TCF12: variants seen among roughly 807,000 people sequenced by gnomAD.
TCF12 encodes the protein DNA-binding protein HTF4.
In TCF12, 45 loss-of-function variants were observed where a neutral mutation model predicts 86.0. That is an observed-to-expected ratio of 0.52 (90% CI 0.41 to 0.67). The LOEUF is 0.67. TCF12 is among the 30% of genes least tolerant of loss of function. TCF12 has a pLI of 0.00. For synonymous variants in TCF12, 330 were observed against 299.6 expected (o/e 1.10, Z -1.05); for missense variants, 881 against 859.9 (o/e 1.02, Z -0.31).
In TCF12 at chr15:57,251,254, T is replaced by C. The variant is rs151324062; in HGVS notation, c.1115-96T>C. The C allele has an allele frequency of 1.6e-4, 164 of 1,003,810 alleles. No individual in the cohort carries two copies. The African/African-American group carries it at 2.4e-3, about 15-fold the overall frequency. The allele number at this position is 1,003,810 out of a possible 1,614,324, so 62.2% of individuals were successfully genotyped here. On this transcript the variant is annotated intron_variant, in intron 13 of 20. Coordinates refer to ENST00000333725, the MANE Select transcript of TCF12 (RefSeq NM_207037.2). ...GGCCAAACAAAAATATTCATGTAAA[T>C]TTATTTAGTTATTGAGTATCTTTAC... is the stretch of plus-strand genomic sequence containing the variant.
intron 5 of TCF12, among the ~76,000 whole-genome samples, chr15:57,099,000 C>G (rs2049535620): frequency 6.6e-6 from 1 of 152,244 alleles, no homozygotes; most frequent in South Asian, 2.1e-4. Context: ...CTCCCTCACT[C>G]CAGTATTTCC....
Position 57,228,862 on chromosome 15 carries a change from A to G in TCF12, c.580-2290A>G, listed in dbSNP as rs2151908382. Among the ~76,000 whole-genome samples the G allele has an allele frequency of 1.3e-5, 2 of 152,166 alleles. 1 individual carries two copies. The highest frequency in any genetic ancestry group is 1.3e-4 in the Admixed American group (2 of 15,284). On this transcript the variant is annotated intron_variant, in intron 8 of 20. Coordinates refer to ENST00000333725, the MANE Select transcript of TCF12 (RefSeq NM_207037.2). ...CAAATTATGTCCATTTTTGTGTGAAATGACACATCAAAACTGGAGTGTTTT... is the reference window on the plus strand; with the variant it reads ...CAAATTATGTCCATTTTTGTGTGAAGTGACACATCAAAACTGGAGTGTTTT...
At chr15:57,182,516 T>C (rs1393852226) in intron 6 of TCF12, among the ~76,000 whole-genome samples, 1 of 152,200 alleles carries the variant, frequency 6.6e-6, no homozygotes, top group Non-Finnish European at 1.5e-5. Context: ...TATGGTCTTG[T>C]ATTCTTAAAA....
At chr15:57,264,111 T>G (rs1191007851) in intron 18 of TCF12, among the ~76,000 whole-genome samples, 2 of 151,768 alleles carry the variant, frequency 1.3e-5, no homozygotes, top group East Asian at 3.9e-4. Flanking sequence ...ATTTTTAACT[T>G]TCTGACTCTT....
intron 3 of TCF12, among the ~76,000 whole-genome samples, chr15:56,969,923 A>G (rs2062204314): frequency 6.6e-6 from 1 of 152,230 alleles, no homozygotes; most frequent in Non-Finnish European, 1.5e-5. Context: ...TTGAGAAGGC[A>G]TATCCAGACA....
At chr15:56,982,585 T>G (rs1445682495) in intron 3 of TCF12, among the ~76,000 whole-genome samples, 1 of 152,182 alleles carries the variant, frequency 6.6e-6, no homozygotes, top group African/African-American at 2.4e-5. Flanking sequence ...TTGAACACAT[T>G]GCTGCTTTAA....
intron 5 of TCF12, among the ~76,000 whole-genome samples, chr15:57,144,929 A>G (rs988566535): frequency 1.3e-5 from 2 of 152,106 alleles, no homozygotes; most frequent in Admixed American, 6.5e-5. Flanking sequence ...CACATGTTAT[A>G]TGGGTTACTT....
intron 6 of TCF12, among the ~76,000 whole-genome samples, chr15:57,188,742 A>C (rs1257083552): frequency 6.6e-6 from 1 of 152,246 alleles, no homozygotes; most frequent in Non-Finnish European, 1.5e-5. Context: ...ATCCACATGC[A>C]AAAGAATGAA....
chr15:57,216,275 C>G (rs1182273299), intron 8 of TCF12, among the ~76,000 whole-genome samples: 1 of 152,080 alleles, frequency 6.6e-6, no homozygotes, highest in Non-Finnish European at 1.5e-5. Flanking sequence ...TTTCACTAGT[C>G]ATTTTGCTAG....
At chr15:57,210,835 C>G (rs1403326927) in intron 8 of TCF12, among the ~76,000 whole-genome samples, 1 of 152,216 alleles carries the variant, frequency 6.6e-6, no homozygotes, top group African/African-American at 2.4e-5. Context: ...TACATACTCA[C>G]TACAGCCACA....
intron 5 of TCF12, among the ~76,000 whole-genome samples, chr15:57,125,847 G>A (rs1481262075): frequency 1.3e-5 from 2 of 152,122 alleles, no homozygotes; most frequent in African/African-American, 4.8e-5. Context: ...AACTAAAACT[G>A]TAGAAAGATA....
At chr15:57,091,185 A>G (rs564504272) in intron 4 of TCF12, among the ~76,000 whole-genome samples, 1 of 152,300 alleles carries the variant, frequency 6.6e-6, no homozygotes, top group African/African-American at 2.4e-5. Flanking sequence ...GTTCTACTAC[A>G]GTAGTATTAA....
At chr15:57,036,591 A>G (rs2141399989) in intron 3 of TCF12, among the ~76,000 whole-genome samples, 1 of 152,138 alleles carries the variant, frequency 6.6e-6, no homozygotes, top group Middle Eastern at 3.4e-3. Context: ...GCATTTCCTT[A>G]GTGGCTGCTA....
chr15:57,151,782 A>T (rs1018096323), intron 5 of TCF12, among the ~76,000 whole-genome samples: 17 of 143,152 alleles, frequency 1.2e-4, no homozygotes, highest in Non-Finnish European at 2.0e-4. Flanking sequence ...AAAAAAAAAA[A>T]GCCTGATAAA....
chr15:57,172,878 A>G (rs774074091), intron 6 of TCF12, among the ~76,000 whole-genome samples: 7 of 151,988 alleles, frequency 4.6e-5, no homozygotes, highest in Non-Finnish European at 8.8e-5. Context: ...ATTCAGGAGG[A>G]TCACTTGAGC....
intron 3 of TCF12, among the ~76,000 whole-genome samples, chr15:56,979,007 G>C (rs1267484184): frequency 2.6e-5 from 4 of 152,172 alleles, no homozygotes; most frequent in African/African-American, 9.7e-5. Context: ...ACTCTAGGCA[G>C]TTTAGAACAT....
At chr15:57,276,141 T>G (rs1195659114) in intron 19 of TCF12, among the ~76,000 whole-genome samples, 1 of 152,218 alleles carries the variant, frequency 6.6e-6, no homozygotes. Flanking sequence ...CTTTTGATAA[T>G]TTAGTGATGA....
intron 4 of TCF12, among the ~76,000 whole-genome samples, chr15:57,066,833 G>T (rs774633399): frequency 5.9e-5 from 9 of 152,194 alleles, no homozygotes; most frequent in Non-Finnish European, 1.2e-4. Context: ...ATATGTTACT[G>T]TATGGGAATA....
intron 4 of TCF12, among the ~76,000 whole-genome samples, chr15:57,083,958 A>G (rs1353515830): frequency 2.0e-5 from 3 of 152,186 alleles, no homozygotes; most frequent in Non-Finnish European, 2.9e-5. Context: ...TTATAAAATA[A>G]ACATTTAATA....
Sources: gnomAD v4.1 joint callset for allele counts (sites outside exome capture counted in the v4.1 genomes callset) on GRCh38, gnomAD v4.1.1 for gene constraint, MANE v1.5 for transcripts, NCBI Gene and HGNC (gene_info 2026-07-23, HGNC 2026-07-21) for gene names.